The following YBX2 variants were observed in gnomAD, a reference collection of about 807,000 sequenced individuals.
The protein encoded by YBX2 is Y-box-binding protein 2.
In YBX2, 5 loss-of-function variants were observed where a neutral mutation model predicts 44.4. The observed-to-expected ratio is 0.11, with a 90% CI of 0.06 to 0.24. YBX2 has a LOEUF of 0.24. Among genes scored for constraint, YBX2 ranks in the 10% least tolerant of loss-of-function variants. The probability of loss-of-function intolerance (pLI) is 1.00; values close to 1 mark genes in which losing one functional copy is unlikely to be tolerated. For synonymous variants in YBX2, 188 were observed against 216.1 expected, an observed-to-expected ratio of 0.87 and a Z score of 1.14; for missense variants, 417 against 526.9, an observed-to-expected ratio of 0.79 and a Z score of 2.04.
At position 7,290,242 on chromosome 17, in the gene YBX2, T is replaced by C. The variant is rs1202948808; in HGVS notation, c.744+9A>G. 1 of 1,607,226 alleles carries C rather than the reference T, an allele frequency of 6.2e-7. No individual in the cohort carries two copies. The highest frequency in any genetic ancestry group is 8.5e-7 in the Non-Finnish European group (1 of 1,175,278). On this transcript the variant is annotated intron_variant, in intron 5 of 8. Transcript: ENST00000007699. ...GGGAACTGGCTCCCATATTCCAGCA[T>C]CCCCTCACCTCTATAGGCTGCTGCT...
At position 7,289,651 on chromosome 17, in the gene YBX2, G is replaced by A. The variant is rs756982334; in HGVS notation, c.923C>T (p.Pro308Leu). 36 of 1,613,978 alleles carry A rather than the reference G, an allele frequency of 2.2e-5. No homozygotes were observed. The highest frequency in any genetic ancestry group is 2.8e-5 in the Non-Finnish European group (33 of 1,179,998). The stretch of plus-strand genomic sequence containing the variant: ...GGGCTCAGGCCGGGAACCATCAGCG[G>A]GACCTTGGCTGGGCTTGGTCTCACC... Reference protein sequence around the residue: ...GDGETKPSQGPADGSRPEPQR... With the variant: ...GDGETKPSQGLADGSRPEPQR... Residue 308 changes from proline to leucine, a missense_variant, in exon 7 of 9, where the codon CCC becomes CTC. By Grantham distance (98) the Pro-to-Leu change is moderately conservative. Around this residue, in one of 3 missense-constraint regions of YBX2, gnomAD observed 257 missense variants for 261.7 expected, o/e 0.98. Coordinates refer to ENST00000007699, the MANE Select transcript of YBX2 (RefSeq NM_015982.4).
chr17:7,294,536 C>T lies in YBX2; in HGVS notation c.-36G>A. On this transcript the variant is annotated 5_prime_UTR_variant, in exon 1 of 9. Coordinates refer to ENST00000007699, the MANE Select transcript of YBX2 (RefSeq NM_015982.4). This position sits in a 1 kb window ranked among gnomAD's most constrained non-coding sequence, Gnocchi z 4.6. ...CCAGTACCGGCCACAGCCGCCACCG[C>T]CCCGGCCCCTCCCCCCGGCTCGCGA... 1.4e-6 allele frequency: 2 copies of T among 1,422,398 alleles called. No individual in the cohort carries two copies. The highest frequency in any genetic ancestry group is 1.8e-6 in the Non-Finnish European group (2 of 1,086,680). The allele number at this position is 1,422,398 out of a possible 1,614,324, so 88.1% of individuals were successfully genotyped here. A position where few individuals can be genotyped will look rare whatever the true frequency, so the allele number is the denominator to read the frequency against.
Position 7,291,711 on chromosome 17 carries a change from G to A in YBX2, c.369+315C>T, listed in dbSNP as rs537573350. The stretch of plus-strand genomic sequence containing the variant: ...GTCAGGTGATGCTGCTGCCGCTGGT[G>A]CAGGGGCCACGCTTTGAGAACCACT... On this transcript the variant is annotated intron_variant, in intron 3 of 8. Coordinates refer to ENST00000007699, the MANE Select transcript of YBX2 (RefSeq NM_015982.4). This position sits in a 1 kb window ranked among gnomAD's most constrained non-coding sequence, Gnocchi z 5.8. 98 of 442,682 alleles carry A rather than the reference G, an allele frequency of 2.2e-4. No homozygotes were observed. The highest frequency in any genetic ancestry group is 1.8e-3 in the African/African-American group (90 of 50,358). 27.4% of individuals were successfully genotyped at this position (442,682 alleles called of 1,614,324 possible).
At chr17:7,290,587 A>G (rs1176875847) in intron 4 of YBX2, 52 bp from the exon 5 acceptor site, 2 of 1,587,830 alleles carry the variant, frequency 1.3e-6, no homozygotes, top group African/African-American at 2.7e-5. Context: ...GCCAATGTGC[A>G]TTTCCCAACT....
intron 2 of YBX2, 149 bp from the exon 3 acceptor site, chr17:7,292,208 G>A: frequency 1.1e-6 from 1 of 897,822 alleles, no homozygotes; most frequent in East Asian, 2.5e-5. Flanking sequence ...GGAATGGGAG[G>A]GAGAGCCAGC....
chr17:7,291,294 G>C lies in YBX2; in HGVS notation c.370-112C>G, dbSNP rs1304633594. The C allele has an allele frequency of 4.7e-6, 5 of 1,068,840 alleles. No homozygotes were observed. The African/African-American group carries it at 7.9e-5, about 17-fold the overall frequency. 66.2% of individuals were successfully genotyped at this position (1,068,840 alleles called of 1,614,324 possible). A position where few individuals can be genotyped will look rare whatever the true frequency, so the allele number is the denominator to read the frequency against. The stretch of plus-strand genomic sequence containing the variant: ...CTTTCAACATTTGACTTGGGGTCTA[G>C]AGCTGGAGGGTGGAGCAAGGAGGTG... On this transcript the variant is annotated intron_variant, in intron 3 of 8. Transcript: ENST00000007699. This position sits in a 1 kb window ranked among gnomAD's most constrained non-coding sequence, Gnocchi z 5.8.
chr17:7,291,266 A>T lies in YBX2; in HGVS notation c.370-84T>A, dbSNP rs2072499766. The T allele has an allele frequency of 1.5e-6, 2 of 1,353,042 alleles. No individual in the cohort carries two copies. Among genetic ancestry groups the T allele is most frequent in the South Asian group, 2.4e-5 (2 of 84,110 alleles). The allele number at this position is 1,353,042 out of a possible 1,614,324, so 83.8% of individuals were successfully genotyped here. On this transcript the variant is annotated intron_variant, in intron 3 of 8. Transcript: ENST00000007699. The surrounding 1 kb of genome is among the most constrained non-coding windows in gnomAD (Gnocchi z 5.8). ...CCTGCTGGGGCCACCACCCAATTTC[A>T]TTCTTTCAACATTTGACTTGGGGTC...
chr17:7,290,095 T>A (rs1436850690), intron 5 of YBX2, 24 bp from the exon 6 acceptor site: 1 of 1,613,580 alleles, frequency 6.2e-7, no homozygotes, highest in Non-Finnish European at 8.5e-7. Flanking sequence ...AAGGCCCCGG[T>A]GAGCTGTGGG....
chr17:7,289,920 G>A, intron 6 of YBX2, 48 bp downstream of exon 6: 1 of 1,609,336 alleles, frequency 6.2e-7, no homozygotes. Flanking sequence ...TTGCCCCAAG[G>A]ATCCAACACT....
chr17:7,290,523 T>C lies in YBX2; in HGVS notation c.472A>G (p.Thr158Ala). Residue 158 changes from threonine to alanine, a missense_variant, in exon 5 of 9, where the codon ACT becomes GCT. Coordinates refer to ENST00000007699, the MANE Select transcript of YBX2 (RefSeq NM_015982.4). Reference sequence around the variant, plus strand: ...ACTCCCCCAGGCCCAGTTACATTAGTGGCTTCTGCGCCCTGGGAAGGTGGT... The same window carrying C: ...ACTCCCCCAGGCCCAGTTACATTAGCGGCTTCTGCGCCCTGGGAAGGTGGT... ...VVEGEKGAEA[T>A]NVTGPGGVPV... The C allele has an allele frequency of 6.2e-7, 1 of 1,611,932 alleles. No individual in the cohort carries two copies. Among genetic ancestry groups the C allele is most frequent in the Non-Finnish European group, 8.5e-7 (1 of 1,178,626 alleles).
chr17:7,291,402 C>T lies in YBX2; in HGVS notation c.370-220G>A, dbSNP rs1423280593. The T allele has an allele frequency of 1.0e-5, 6 of 593,812 alleles. No individual in the cohort carries two copies. Among genetic ancestry groups the T allele is most frequent in the African/African-American group, 1.8e-5 (1 of 54,066 alleles). The allele number at this position is 593,812 out of a possible 1,614,324, so 36.8% of individuals were successfully genotyped here. On this transcript the variant is annotated intron_variant, in intron 3 of 8. Transcript: ENST00000007699. This position sits in a 1 kb window ranked among gnomAD's most constrained non-coding sequence, Gnocchi z 5.8. ...ACCACCATCCCCAGGATGCACTCCC[C>T]GCACCTCCCCTCCCGCCCCGCTTTA...
At chr17:7,288,911 G>A (rs1200286129) in intron 7 of YBX2, 73 bp from the exon 8 acceptor site, 1 of 1,583,556 alleles carries the variant, frequency 6.3e-7, no homozygotes, top group Non-Finnish European at 8.7e-7. Context: ...CAGGTTGGAT[G>A]GAGTACAGTG....
At position 7,294,632 on chromosome 17, in the gene YBX2, C is replaced by T. The variant is rs1295191107; in HGVS notation, c.-132G>A. 9.2e-7 allele frequency: 1 copy of T among 1,083,734 alleles called. No homozygotes were observed. The highest frequency in any genetic ancestry group is 1.7e-5 in the African/African-American group (1 of 60,088). 67.1% of individuals were successfully genotyped at this position (1,083,734 alleles called of 1,614,324 possible). On this transcript the variant is annotated 5_prime_UTR_variant, in exon 1 of 9. Coordinates refer to ENST00000007699, the MANE Select transcript of YBX2 (RefSeq NM_015982.4). The surrounding 1 kb of genome is among the most constrained non-coding windows in gnomAD (Gnocchi z 4.6). ...GCCGGCAGCGGGCCCGGAGCCGAGG[C>T]CAATGGCAGCCCGCTGCCGCCGCTC... is the stretch of plus-strand genomic sequence containing the variant.
Position 7,291,248 on chromosome 17 carries a change from G to A in YBX2, c.370-66C>T, listed in dbSNP as rs2072499611. On this transcript the variant is annotated intron_variant, in intron 3 of 8. Coordinates refer to ENST00000007699, the MANE Select transcript of YBX2 (RefSeq NM_015982.4). The surrounding 1 kb of genome is among the most constrained non-coding windows in gnomAD (Gnocchi z 5.8). ...ACAGGAGTCTCTGTCACCCCTGCTGGGGCCACCACCCAATTTCATTCTTTC... is the reference window on the plus strand; with the variant it reads ...ACAGGAGTCTCTGTCACCCCTGCTGAGGCCACCACCCAATTTCATTCTTTC... The A allele has an allele frequency of 6.8e-7, 1 of 1,476,170 alleles. No homozygotes were observed. Among genetic ancestry groups the A allele is most frequent in the Non-Finnish European group, 9.5e-7 (1 of 1,057,112 alleles). The allele number at this position is 1,476,170 out of a possible 1,614,324, so 91.4% of individuals were successfully genotyped here. A position where few individuals can be genotyped will look rare whatever the true frequency, so the allele number is the denominator to read the frequency against.
intron 4 of YBX2, 23 bp from the exon 5 acceptor site, chr17:7,290,558 G>A (rs1319476886): frequency 1.2e-6 from 2 of 1,607,792 alleles, no homozygotes; most frequent in Non-Finnish European, 1.7e-6. Context: ...TAAGGGAATA[G>A]TGAGAACCTG....
chr17:7,292,115 C>T, intron 2 of YBX2, 56 bp from the exon 3 acceptor site: 2 of 1,591,196 alleles, frequency 1.3e-6, no homozygotes, highest in Non-Finnish European at 1.7e-6. Flanking sequence ...CTCAGCTCCT[C>T]ACTGAGGTCC....
chr17:7,288,876 T>C (rs1170102908), intron 7 of YBX2, 38 bp from the exon 8 acceptor site: 2 of 1,612,972 alleles, frequency 1.2e-6, no homozygotes, highest in African/African-American at 2.7e-5. Context: ...CTTGTTCTTT[T>C]TGTTTTTGAG....
In YBX2 at chr17:7,288,614, T is replaced by C. The variant is rs2072472414; in HGVS notation, c.*69A>G. The C allele has an allele frequency of 4.3e-6, 3 of 693,438 alleles. No individual in the cohort carries two copies. Among genetic ancestry groups the C allele is most frequent in the Non-Finnish European group, 5.1e-6 (2 of 395,570 alleles). The allele number at this position is 693,438 out of a possible 1,614,324, so 43.0% of individuals were successfully genotyped here. Reference sequence around the variant, plus strand: ...AGGGGGAGCAGGGTACTGGGTAGGGTACAGGTCATTTGGAAAAACTGGCAG... The same window carrying C: ...AGGGGGAGCAGGGTACTGGGTAGGGCACAGGTCATTTGGAAAAACTGGCAG... On this transcript the variant is annotated 3_prime_UTR_variant, in exon 9 of 9. Transcript: ENST00000007699.
In YBX2 at chr17:7,291,331, G is replaced by A. The variant is rs2072500223; in HGVS notation, c.370-149C>T. The A allele has an allele frequency of 2.6e-6, 2 of 778,868 alleles. No individual in the cohort carries two copies. The highest frequency in any genetic ancestry group is 2.0e-5 in the Admixed American group (1 of 49,058). The allele number at this position is 778,868 out of a possible 1,614,324, so 48.2% of individuals were successfully genotyped here. A position where few individuals can be genotyped will look rare whatever the true frequency, so the allele number is the denominator to read the frequency against. On this transcript the variant is annotated intron_variant, in intron 3 of 8. Coordinates refer to ENST00000007699, the MANE Select transcript of YBX2 (RefSeq NM_015982.4). This position sits in a 1 kb window ranked among gnomAD's most constrained non-coding sequence, Gnocchi z 5.8. ...GGAGCAAGGAGGTGGTCAAAGTTTA[G>A]CAGGGGAAAAGTCCTGAACTCAGGG... is the stretch of plus-strand genomic sequence containing the variant.
Sources: allele counts gnomAD v4.1 joint callset, GRCh38; gene constraint gnomAD v4.1.1; regional missense constraint gnomAD v4.1.1; non-coding constraint Gnocchi (gnomAD v3.1); transcripts MANE v1.5; gene names NCBI Gene and HGNC (gene_info 2026-07-23, HGNC 2026-07-21).